Variants in PARD3B observed in about 807,000 individuals in gnomAD.
PARD3B encodes par-3 family cell polarity regulator beta, also known as partitioning defective 3 homolog B.
A neutral mutation model predicts 130.2 loss-of-function variants in PARD3B; 103 were observed. The ratio of observed to expected loss-of-function variants is 0.79; its 90% confidence interval spans 0.67 to 0.93. The LOEUF (loss-of-function observed/expected upper bound fraction) is 0.93, where lower values mean the gene tolerates loss of function less well. PARD3B is among the 40% of genes least tolerant of loss of function. The pLI, the probability that PARD3B is intolerant of heterozygous loss-of-function variation, is 0.00. For missense variants in PARD3B, 1,609 were observed against 1,499.2 expected, an observed-to-expected ratio of 1.07 and a Z score of -1.21; for synonymous variants, 583 against 553.2, an observed-to-expected ratio of 1.05 and a Z score of -0.76.
intron 10 of PARD3B, among the ~76,000 whole-genome samples, chr2:205,151,767 G>T (rs1215612067): frequency 6.6e-6 from 1 of 152,100 alleles, no homozygotes; most frequent in East Asian, 1.9e-4. Context: ...TACATTTAAG[G>T]TTAATATTGT....
At chr2:205,137,118 C>G (rs756074301) in intron 10 of PARD3B, among the ~76,000 whole-genome samples, 1 of 151,934 alleles carries the variant, frequency 6.6e-6, no homozygotes. Flanking sequence ...AAAATAGTTG[C>G]ACAAGTTTCA....
chr2:204,921,689 A>G (rs1195536403), intron 2 of PARD3B, among the ~76,000 whole-genome samples: 1 of 152,148 alleles, frequency 6.6e-6, no homozygotes, highest in Non-Finnish European at 1.5e-5. Flanking sequence ...GACAAGAGGG[A>G]ATCTTTTTCT....
intron 1 of PARD3B, among the ~76,000 whole-genome samples, chr2:204,566,566 A>C (rs1416690635): frequency 6.6e-6 from 1 of 152,254 alleles, no homozygotes; most frequent in East Asian, 1.9e-4. Flanking sequence ...TGCATTAAAA[A>C]AAATCAATTC....
rs1255764749 is a variant in PARD3B, at chr2:205,244,695, A to G, written c.2141-1083A>G. Among the ~76,000 whole-genome samples the G allele has an allele frequency of 6.6e-6, 1 of 152,056 alleles. No individual in the cohort carries two copies. The highest frequency in any genetic ancestry group is 1.5e-5 in the Non-Finnish European group (1 of 67,996). ...AACACATTTTTTTTTTCAAAAAACT[A>G]CTATAGGGCGACCCATGTTATCTAA... On this transcript the variant is annotated intron_variant, in intron 15 of 22. Transcript: ENST00000406610. The surrounding 1 kb of genome is among the most constrained non-coding windows in gnomAD (Gnocchi z 4.7).
chr2:204,636,615 G>A (rs1011380830), intron 1 of PARD3B, among the ~76,000 whole-genome samples: 1 of 151,974 alleles, frequency 6.6e-6, no homozygotes, highest in Non-Finnish European at 1.5e-5. Flanking sequence ...TGTTTCCTTT[G>A]TCCTGCCTTC....
chr2:204,961,113 G>A (rs894762096), intron 2 of PARD3B, among the ~76,000 whole-genome samples: 1 of 152,136 alleles, frequency 6.6e-6, no homozygotes, highest in Non-Finnish European at 1.5e-5. Context: ...GTGACCTTCT[G>A]GGCCATTGCA....
At chr2:204,850,468 CA>C (rs201159494) in intron 2 of PARD3B, among the ~76,000 whole-genome samples, 2,327 of 134,746 alleles carry the variant, frequency 0.017, 42 homozygotes, top group African/African-American at 0.021. Flanking sequence ...CTTAATCAGT[CA>C]AAAAAAATAT....
chr2:205,267,874 G>C (rs1025393894), intron 16 of PARD3B, among the ~76,000 whole-genome samples: 1 of 152,092 alleles, frequency 6.6e-6, no homozygotes, highest in Non-Finnish European at 1.5e-5. Flanking sequence ...AAAATTCTTA[G>C]GGCATCATAA....
chr2:204,850,976 A>G (rs2044684689), intron 2 of PARD3B, among the ~76,000 whole-genome samples: 1 of 152,198 alleles, frequency 6.6e-6, no homozygotes, highest in South Asian at 2.1e-4. Flanking sequence ...AGTCTTTTGT[A>G]GAAGGCTTGC....
intron 3 of PARD3B, among the ~76,000 whole-genome samples, chr2:204,977,321 GT>G (rs1374257300): frequency 6.6e-6 from 1 of 152,110 alleles, no homozygotes; most frequent in Admixed American, 6.5e-5. Flanking sequence ...TGCTGTCTAT[GT>G]TTGACAGTCC....
rs915137070 is a variant in PARD3B at position 204,669,131 on chromosome 2, G to T, written c.121-17050G>T. ...TAGAAGATAATAAATCAGTGTTATT[G>T]CAGTCCACTAAGTTGGTAGGTAATT... On this transcript the variant is annotated intron_variant, in intron 1 of 22. Coordinates refer to ENST00000406610, the MANE Select transcript of PARD3B (RefSeq NM_001302769.2). This position sits in a 1 kb window ranked among gnomAD's most constrained non-coding sequence, Gnocchi z 4.3. Among the ~76,000 whole-genome samples, 4 of 152,122 alleles carry T rather than the reference G, an allele frequency of 2.6e-5. No homozygotes were observed. The highest frequency in any genetic ancestry group is 7.2e-5 in the African/African-American group (3 of 41,422).
intron 2 of PARD3B, among the ~76,000 whole-genome samples, chr2:204,862,240 C>T (rs2045239498): frequency 6.6e-6 from 1 of 152,106 alleles, no homozygotes; most frequent in Non-Finnish European, 1.5e-5. Flanking sequence ...GCAGTGGAAA[C>T]CTCTGGGTCA....
intron 18 of PARD3B, 107 bp from the exon 19 acceptor site, chr2:205,400,906 T>G: frequency 1.4e-6 from 1 of 733,086 alleles, no homozygotes; most frequent in Non-Finnish European, 2.2e-6. Flanking sequence ...CTTGACTTAC[T>G]TAGAATAAAG....
chr2:204,643,375 A>G (rs1182707611), intron 1 of PARD3B, among the ~76,000 whole-genome samples: 3 of 151,892 alleles, frequency 2.0e-5, no homozygotes, highest in Non-Finnish European at 4.4e-5. Context: ...CCTGGACTTC[A>G]TCCCTCCTCT....
chr2:205,505,356 G>A (rs560927366), intron 21 of PARD3B, among the ~76,000 whole-genome samples: 151 of 151,848 alleles, frequency 9.9e-4, no homozygotes, highest in Middle Eastern at 3.4e-3. Flanking sequence ...AAACCTGCAC[G>A]CTGTGCACGT....
In PARD3B at chr2:205,402,721, G is replaced by A. The variant is rs12997580; in HGVS notation, c.2741+1598G>A. Among the ~76,000 whole-genome samples, 549 of 152,254 alleles carry A rather than the reference G, an allele frequency of 3.6e-3. 2 individuals carry two copies. The highest frequency in any genetic ancestry group is 5.6e-3 in the Non-Finnish European group (380 of 68,018). ...ACTTCAGCTGGCTGTATAGGCTTCG[G>A]ATCCAATTTTCTTAAAATATGTCTG... is the stretch of plus-strand genomic sequence containing the variant. On this transcript the variant is annotated intron_variant, in intron 19 of 22. Transcript: ENST00000406610.
At chr2:204,825,622 C>T (rs1253240770) in intron 2 of PARD3B, among the ~76,000 whole-genome samples, 1 of 152,154 alleles carries the variant, frequency 6.6e-6, no homozygotes, top group Non-Finnish European at 1.5e-5. Context: ...TTATTCTTAC[C>T]TGAGGATCTG....
intron 19 of PARD3B, among the ~76,000 whole-genome samples, chr2:205,406,911 C>T (rs2046434238): frequency 1.3e-5 from 2 of 152,024 alleles, no homozygotes. Context: ...AATTGTGATC[C>T]ACCTGCCTTG....
chr2:205,240,036 T>C (rs1239924671), intron 15 of PARD3B, among the ~76,000 whole-genome samples: 3 of 152,072 alleles, frequency 2.0e-5, no homozygotes, highest in African/African-American at 7.2e-5. Flanking sequence ...ACTCAAAAAG[T>C]CTTCCTAAGC....
Sources: allele counts gnomAD v4.1 joint callset (sites outside exome capture counted in the v4.1 genomes callset), GRCh38; gene constraint gnomAD v4.1.1; non-coding constraint Gnocchi (gnomAD v3.1); transcripts MANE v1.5; gene names NCBI Gene and HGNC (gene_info 2026-07-23, HGNC 2026-07-21).